GMDS: variants seen among roughly 807,000 people sequenced by gnomAD.
GMDS encodes the protein GDP-mannose 4,6 dehydratase.
Under a neutral mutation model 49.9 loss-of-function variants are expected in GMDS, and 20 were observed. The ratio of observed to expected loss-of-function variants is 0.40; its 90% CI spans 0.28 to 0.58. The LOEUF is 0.58. Among genes scored for constraint, GMDS ranks in the 20% least tolerant of loss-of-function variants. The pLI is 0.42. For missense variants in GMDS, 362 were observed against 481.4 expected, an observed-to-expected ratio of 0.75 and a Z score of 2.32; for synonymous variants, 177 against 178.6, an observed-to-expected ratio of 0.99 and a Z score of 0.07.
intron 7 of GMDS, among the ~76,000 whole-genome samples, chr6:1,744,577 CACT>C (rs57911901): frequency 0.43 from 64,421 of 151,474 alleles, 14,248 homozygotes; most frequent in East Asian, 0.65. Context: ...GCTCCCTGAA[CACT>C]GTTAAACACT....
intron 4 of GMDS, among the ~76,000 whole-genome samples, chr6:2,050,200 C>T (rs1177192420): frequency 6.6e-6 from 1 of 152,086 alleles, no homozygotes; most frequent in Admixed American, 6.5e-5. Flanking sequence ...GGGATATCAC[C>T]ACCGATCTCA....
At chr6:1,756,821 G>C (rs1304928209) in intron 7 of GMDS, among the ~76,000 whole-genome samples, 3 of 152,200 alleles carry the variant, frequency 2.0e-5, no homozygotes, top group Non-Finnish European at 4.4e-5. Flanking sequence ...CGTGGTGGCT[G>C]CTTCCAAGGT....
At chr6:2,163,434 TGTGAGA>T (rs1481024001) in intron 1 of GMDS, among the ~76,000 whole-genome samples, 84 of 145,380 alleles carry the variant, frequency 5.8e-4, no homozygotes, top group African/African-American at 2.4e-3. Context: ...TGTGTGTGTG[TGTGAGA>T]GAGAGAGAGA....
At chr6:1,820,261 G>A (rs1770837843) in intron 7 of GMDS, among the ~76,000 whole-genome samples, 1 of 152,104 alleles carries the variant, frequency 6.6e-6, no homozygotes, top group Admixed American at 6.5e-5. Flanking sequence ...AAAATAAAAT[G>A]TGGATAAAGA....
intron 6 of GMDS, among the ~76,000 whole-genome samples, chr6:1,937,416 A>T (rs1762605623): frequency 6.6e-6 from 1 of 152,202 alleles, no homozygotes; most frequent in Admixed American, 6.5e-5. Flanking sequence ...ACTGTTAAGG[A>T]CTATATTAGT....
intron 9 of GMDS, among the ~76,000 whole-genome samples, chr6:1,718,095 G>A (rs1441790821): frequency 1.3e-5 from 2 of 151,960 alleles, no homozygotes; most frequent in African/African-American, 2.4e-5. Flanking sequence ...TTACCTCCTG[G>A]AATTCGAATT....
intron 4 of GMDS, among the ~76,000 whole-genome samples, chr6:1,977,741 C>A (rs547521757): frequency 2.7e-4 from 41 of 152,174 alleles, no homozygotes; most frequent in Non-Finnish European, 5.1e-4. Flanking sequence ...TCCCACAGAT[C>A]TTTGCAACCC....
intron 1 of GMDS, among the ~76,000 whole-genome samples, chr6:2,230,520 A>G (rs1781038616): frequency 5.9e-5 from 9 of 152,210 alleles, no homozygotes. Flanking sequence ...TTTAGCAACT[A>G]AAATGAAATT....
chr6:1,654,258 G>A (rs1179773762), intron 9 of GMDS, among the ~76,000 whole-genome samples: 3 of 152,150 alleles, frequency 2.0e-5, no homozygotes, highest in African/African-American at 7.2e-5. Flanking sequence ...CCACTTCTGG[G>A]CTAGTAACCA....
At chr6:1,854,434 CCA>C (rs1442654581) in intron 7 of GMDS, among the ~76,000 whole-genome samples, 1 of 152,238 alleles carries the variant, frequency 6.6e-6, no homozygotes. Context: ...ATCATGTCCT[CCA>C]GCACTATTTA....
chr6:1,973,384 A>C (rs1764723958), intron 4 of GMDS, among the ~76,000 whole-genome samples: 1 of 152,228 alleles, frequency 6.6e-6, no homozygotes, highest in Non-Finnish European at 1.5e-5. Flanking sequence ...AACATCCCCA[A>C]GCTCTGTTGG....
chr6:1,924,856 G>T (rs140033319), intron 7 of GMDS, among the ~76,000 whole-genome samples: 2 of 152,176 alleles, frequency 1.3e-5, no homozygotes, highest in Non-Finnish European at 2.9e-5. Flanking sequence ...AGGTTGTAGA[G>T]GGGTCAGGTA....
intron 7 of GMDS, among the ~76,000 whole-genome samples, chr6:1,815,536 T>TGGAATAATCCATGGCAAGGGGGAGAG (rs1397302202): frequency 6.6e-6 from 1 of 152,248 alleles, no homozygotes; most frequent in African/African-American, 2.4e-5. Context: ...AATATGGCCA[T>TGGAATAATCCATGGCAAGGGGGAGAG]GGAATAATCC....
At chr6:1,820,740 A>G (rs974059768) in intron 7 of GMDS, among the ~76,000 whole-genome samples, 5 of 152,246 alleles carry the variant, frequency 3.3e-5, no homozygotes, top group Non-Finnish European at 5.9e-5. Context: ...AATTTCCAAA[A>G]TTCTAATAAG....
intron 4 of GMDS, among the ~76,000 whole-genome samples, chr6:2,077,121 G>A (rs978186349): frequency 6.6e-6 from 1 of 151,938 alleles, no homozygotes; most frequent in Non-Finnish European, 1.5e-5. Context: ...GAACACTACT[G>A]ATTTTTACAT....
At chr6:2,239,052 G>A (rs1349556771) in intron 1 of GMDS, among the ~76,000 whole-genome samples, 1 of 152,044 alleles carries the variant, frequency 6.6e-6, no homozygotes, top group Non-Finnish European at 1.5e-5. Flanking sequence ...ATCCTGGCCG[G>A]GCACGGTGGC....
At chr6:1,625,619 T>TAG (rs1467767685) in intron 9 of GMDS, 1 of 152,228 alleles carries the variant, frequency 6.6e-6, no homozygotes, top group Non-Finnish European at 1.5e-5. Context: ...ATGTCTTTCT[T>TAG]ACAGCTCTGT....
intron 4 of GMDS, among the ~76,000 whole-genome samples, chr6:1,969,261 C>CA (rs761741871): frequency 0.046 from 640 of 13,998 alleles, 60 homozygotes; most frequent in Middle Eastern, 0.14. Context: ...GGCTCCATCT[C>CA]AAAAAAAAAA....
At chr6:2,189,875 A>G (rs184113029) in intron 1 of GMDS, among the ~76,000 whole-genome samples, 180 of 152,222 alleles carry the variant, frequency 1.2e-3, no homozygotes, top group Non-Finnish European at 1.9e-3. Flanking sequence ...AGTGACCAAG[A>G]TAACTCATGA....
Sources: allele counts gnomAD v4.1 joint callset (sites outside exome capture counted in the v4.1 genomes callset), GRCh38; gene constraint gnomAD v4.1.1; transcripts MANE v1.5; gene names NCBI Gene and HGNC (gene_info 2026-07-23, HGNC 2026-07-21).